Variants in RIMS2 observed in about 807,000 individuals in gnomAD.
RIMS2 encodes the protein regulating synaptic membrane exocytosis protein 2.
Under a neutral mutation model 174.4 loss-of-function variants are expected in RIMS2, and 59 were observed. The ratio of observed to expected loss-of-function variants is 0.34; its 90% CI spans 0.27 to 0.42. RIMS2 has a LOEUF of 0.42. RIMS2 is among the 10% of genes least tolerant of loss of function. The probability of loss-of-function intolerance (pLI) is 1.00; values close to 1 mark genes in which losing one functional copy is unlikely to be tolerated. For missense variants in RIMS2, 1,620 were observed against 1,666.3 expected, an observed-to-expected ratio of 0.97 and a Z score of 0.48; for synonymous variants, 606 against 572.5, an observed-to-expected ratio of 1.06 and a Z score of -0.84.
intron 19 of RIMS2, among the ~76,000 whole-genome samples, chr8:104,134,843 C>A (rs77569061): frequency 0.02 from 2,998 of 152,216 alleles, 135 homozygotes; most frequent in East Asian, 0.15. Flanking sequence ...CACCATTCTT[C>A]TACCCAAACT....
chr8:104,004,265 C>G (rs1013110090), intron 17 of RIMS2, among the ~76,000 whole-genome samples: 2 of 152,038 alleles, frequency 1.3e-5, no homozygotes, highest in African/African-American at 4.8e-5. Flanking sequence ...GAGAAACAAC[C>G]CATGAAATGA....
intron 19 of RIMS2, among the ~76,000 whole-genome samples, chr8:104,098,754 T>A (rs1332526256): frequency 6.6e-6 from 1 of 152,202 alleles, no homozygotes; most frequent in Non-Finnish European, 1.5e-5. Flanking sequence ...GAATAATTGT[T>A]AATGAAACAT....
chr8:104,168,777 G>A (rs1039824434), intron 19 of RIMS2, among the ~76,000 whole-genome samples: 1 of 152,148 alleles, frequency 6.6e-6, no homozygotes, highest in Admixed American at 6.5e-5. Context: ...GATGTTGGCT[G>A]TGGGTTTGTC....
chr8:103,791,351 T>G (rs138566061), intron 3 of RIMS2, among the ~76,000 whole-genome samples: 4,524 of 152,132 alleles, frequency 0.03, 101 homozygotes, highest in Non-Finnish European at 0.048. Flanking sequence ...AAATAAATCC[T>G]TTACAGACAA....
exon 13 of RIMS2, chr8:103,936,697 A>C: frequency 6.2e-7 from 1 of 1,607,582 alleles, no homozygotes; most frequent in Non-Finnish European, 8.5e-7. Flanking sequence ...CGTGTTCGAG[A>C]GGAAGAAAGT....
chr8:104,061,820 G>C (rs929746740), intron 19 of RIMS2, among the ~76,000 whole-genome samples: 2 of 151,526 alleles, frequency 1.3e-5, no homozygotes, highest in African/African-American at 4.8e-5. Flanking sequence ...TACCTGTTTT[G>C]CACCTTTAGG....
intron 10 of RIMS2, chr8:103,922,150 A>G (rs1484399403): frequency 6.2e-6 from 1 of 160,324 alleles, no homozygotes; most frequent in African/African-American, 2.4e-5. Context: ...ATGGTATTTC[A>G]GATAAAAGTA....
chr8:103,910,872 T>A (rs2075541224), intron 5 of RIMS2, among the ~76,000 whole-genome samples: 2 of 152,344 alleles, frequency 1.3e-5, no homozygotes, highest in South Asian at 2.1e-4. Flanking sequence ...ATTGGCTTAT[T>A]TGATTGTTTG....
intron 3 of RIMS2, among the ~76,000 whole-genome samples, chr8:103,812,343 T>TTTTTTTTTTTTTTTTTTTTG (rs2098693600): frequency 7.1e-6 from 1 of 140,166 alleles, no homozygotes; most frequent in Non-Finnish European, 1.5e-5. Flanking sequence ...TTTTTTTTTT[T>TTTTTTTTTTTTTTTTTTTTG]TTTTTTTTTT....
chr8:103,620,881 A>G (rs1035917114), intron 1 of RIMS2, among the ~76,000 whole-genome samples: 2 of 152,182 alleles, frequency 1.3e-5, no homozygotes, highest in Non-Finnish European at 2.9e-5. Flanking sequence ...ATTTACTGTG[A>G]ACATATTATC....
intron 3 of RIMS2, among the ~76,000 whole-genome samples, chr8:103,842,389 T>G (rs1029604469): frequency 6.6e-6 from 1 of 152,102 alleles, no homozygotes; most frequent in African/African-American, 2.4e-5. Flanking sequence ...ATTTTAAATA[T>G]AACTAAAAAT....
chr8:103,623,710 C>T (rs1392598727), intron 1 of RIMS2, among the ~76,000 whole-genome samples: 3 of 151,576 alleles, frequency 2.0e-5, no homozygotes, highest in South Asian at 2.1e-4. Flanking sequence ...AGGATGGTCT[C>T]GATCTCCTGA....
At chr8:104,123,589 T>C (rs767844521) in intron 19 of RIMS2, among the ~76,000 whole-genome samples, 1 of 151,920 alleles carries the variant, frequency 6.6e-6, no homozygotes, top group Non-Finnish European at 1.5e-5. Flanking sequence ...TTTTCTGTTA[T>C]TTCTTAAATA....
At chr8:103,654,134 A>G (rs2096493253) in intron 1 of RIMS2, among the ~76,000 whole-genome samples, 1 of 151,988 alleles carries the variant, frequency 6.6e-6, no homozygotes, top group Non-Finnish European at 1.5e-5. Context: ...ATATAATTAG[A>G]TGTAATTTTG....
chr8:103,644,703 G>T (rs1426287), intron 1 of RIMS2, among the ~76,000 whole-genome samples: 36 of 150,506 alleles, frequency 2.4e-4, no homozygotes, highest in Admixed American at 2.0e-4. Context: ...AATATAAAAT[G>T]TAAATATTTT....
chr8:104,145,154 G>T (rs2098623537), intron 19 of RIMS2, among the ~76,000 whole-genome samples: 1 of 151,866 alleles, frequency 6.6e-6, no homozygotes, highest in African/African-American at 2.4e-5. Flanking sequence ...ATAATCAATT[G>T]TGCAATAAAT....
chr8:103,885,944 A>T, exon 4 of RIMS2: 2 of 1,613,090 alleles, frequency 1.2e-6, no homozygotes, highest in Non-Finnish European at 1.7e-6. Flanking sequence ...ACCAGACTTG[A>T]GGCGTACTGA....
At chr8:104,225,631 T>G (rs1280692218) in intron 19 of RIMS2, among the ~76,000 whole-genome samples, 1 of 152,218 alleles carries the variant, frequency 6.6e-6, no homozygotes, top group African/African-American at 2.4e-5. Context: ...ATGAAATTAT[T>G]TCAATATTTG....
chr8:103,780,171 C>G (rs531113310), intron 3 of RIMS2, among the ~76,000 whole-genome samples: 1 of 152,166 alleles, frequency 6.6e-6, no homozygotes, highest in East Asian at 1.9e-4. Flanking sequence ...CTTTTAGGAT[C>G]CTCTCTTTAT....
Sources: gnomAD v4.1 joint callset for allele counts (sites outside exome capture counted in the v4.1 genomes callset) on GRCh38, gnomAD v4.1.1 for gene constraint, MANE v1.5 for transcripts, NCBI Gene and HGNC (gene_info 2026-07-23, HGNC 2026-07-21) for gene names.